VAV2: variants seen among roughly 807,000 people sequenced by gnomAD.
The protein encoded by VAV2 is vav guanine nucleotide exchange factor 2, also known as guanine nucleotide exchange factor VAV2.
Under a neutral mutation model 132.5 loss-of-function variants are expected in VAV2, and 67 were observed. That is an observed-to-expected ratio of 0.51 (90% CI 0.42 to 0.62). The LOEUF is 0.62. Ranked by LOEUF, VAV2 falls within the 20% of genes least tolerant of loss-of-function variation. VAV2 has a pLI of 0.00. For missense variants in VAV2, 938 were observed against 1,153.6 expected, an observed-to-expected ratio of 0.81 and a Z score of 2.71; for synonymous variants, 492 against 443.5, an observed-to-expected ratio of 1.11 and a Z score of -1.37.
chr9:133,914,716 G>GGA, intron 2 of VAV2, among the ~76,000 whole-genome samples: 1 of 58,632 alleles, frequency 1.7e-5, no homozygotes, highest in East Asian at 6.5e-4. Context: ...GGAGAGGGGA[G>GGA]GGATCACGGG....
intron 1 of VAV2, among the ~76,000 whole-genome samples, chr9:133,972,858 C>T (rs1177516512): frequency 1.3e-5 from 2 of 152,212 alleles, no homozygotes; most frequent in Non-Finnish European, 2.9e-5. Flanking sequence ...CACGTGCCCA[C>T]TGGACCCATC....
intron 2 of VAV2, among the ~76,000 whole-genome samples, chr9:133,874,618 T>C (rs111946299): frequency 6.6e-6 from 1 of 152,008 alleles, no homozygotes; most frequent in Non-Finnish European, 1.5e-5. Context: ...GAACAGCACC[T>C]CAAGGGCAGG....
Position 133,935,031 on chromosome 9 carries a change from G to A in VAV2, c.321+4072C>T, listed in dbSNP as rs1840854957. Among the ~76,000 whole-genome samples the A allele has an allele frequency of 7.9e-6, 1 of 127,382 alleles. No homozygotes were observed. The highest frequency in any genetic ancestry group is 1.7e-5 in the Non-Finnish European group (1 of 60,516). The allele number at this position is 127,382 out of a possible 152,430, so 83.6% of individuals were successfully genotyped here. A position where few individuals can be genotyped will look rare whatever the true frequency, so the allele number is the denominator to read the frequency against. The stretch of plus-strand genomic sequence containing the variant: ...ACACCCCCTCGGTTACCCCTGACCA[G>A]CCCCACCCACCCCAGACGACAGTCA... On this transcript the variant is annotated intron_variant, in intron 2 of 29. Coordinates refer to ENST00000371850, the MANE Select transcript of VAV2 (RefSeq NM_001134398.2). This position sits in a 1 kb window ranked among gnomAD's most constrained non-coding sequence, Gnocchi z 5.2.
chr9:133,849,574 C>T (rs1186137729), intron 3 of VAV2, among the ~76,000 whole-genome samples: 1 of 152,192 alleles, frequency 6.6e-6, no homozygotes, highest in African/African-American at 2.4e-5. Context: ...CAAGCACCAT[C>T]GAATGGGGGC....
At chr9:133,930,978 C>T (rs1052199651) in intron 2 of VAV2, among the ~76,000 whole-genome samples, 4 of 152,202 alleles carry the variant, frequency 2.6e-5, no homozygotes, top group Non-Finnish European at 2.9e-5. Flanking sequence ...TTGGAAGGTG[C>T]GCGCTGCTCT....
intron 2 of VAV2, among the ~76,000 whole-genome samples, chr9:133,886,477 C>G (rs1410006278): frequency 6.6e-6 from 1 of 152,200 alleles, no homozygotes; most frequent in Non-Finnish European, 1.5e-5. Context: ...CAGGGTCCAG[C>G]TCTAACCTCG....
Position 133,772,042 on chromosome 9 carries a change from T to C in VAV2, c.2140A>G (p.Asn714Asp). ...AERFAISIKF[N>D]DEVKHIKVVE... ...ACCTTGATGTGCTTCACCTCATCATTGAACCTGAGCAAACACACGGCCCCG... is the reference window on the plus strand; with the variant it reads ...ACCTTGATGTGCTTCACCTCATCATCGAACCTGAGCAAACACACGGCCCCG... Residue 714 changes from asparagine to aspartate, a missense_variant, in exon 26 of 30, where the codon AAT becomes GAT. Coordinates refer to ENST00000371850, the MANE Select transcript of VAV2 (RefSeq NM_001134398.2). 8.7e-7 allele frequency: 1 copy of C among 1,154,646 alleles called. No homozygotes were observed. The highest frequency in any genetic ancestry group is 1.2e-6 in the Non-Finnish European group (1 of 840,820). 71.5% of individuals were successfully genotyped at this position (1,154,646 alleles called of 1,614,324 possible).
At position 133,788,864 on chromosome 9, in the gene VAV2, C is replaced by A. The variant is rs982208239; in HGVS notation, c.1275-378G>T. ...ATCTGCTGTGACCCCTGCCCCAGCA[C>A]ACAGTAGGTGCACAAGGAGGGCCCT... On this transcript the variant is annotated intron_variant, in intron 14 of 29. Coordinates refer to ENST00000371850, the MANE Select transcript of VAV2 (RefSeq NM_001134398.2). The surrounding 1 kb of genome is among the most constrained non-coding windows in gnomAD (Gnocchi z 5.3). Among the ~76,000 whole-genome samples, 1 of 152,224 alleles carries A rather than the reference C, an allele frequency of 6.6e-6. No homozygotes were observed. The highest frequency in any genetic ancestry group is 6.5e-5 in the Admixed American group (1 of 15,286).
intron 2 of VAV2, among the ~76,000 whole-genome samples, chr9:133,922,384 T>A (rs1840328444): frequency 6.6e-6 from 1 of 152,198 alleles, no homozygotes; most frequent in South Asian, 2.1e-4. Flanking sequence ...GCAATTTAAA[T>A]GTAGGGGCAC....
At chr9:133,862,984 T>C (rs1378932701) in intron 2 of VAV2, among the ~76,000 whole-genome samples, 1 of 152,276 alleles carries the variant, frequency 6.6e-6, no homozygotes, top group Admixed American at 6.5e-5. Flanking sequence ...GCTGGGGTCA[T>C]GGAAGGACAG....
chr9:133,959,569 G>T (rs1273535675), intron 1 of VAV2, among the ~76,000 whole-genome samples: 1 of 152,222 alleles, frequency 6.6e-6, no homozygotes, highest in Non-Finnish European at 1.5e-5. Flanking sequence ...CTGGACGGAA[G>T]AAAGAGTAAG....
chr9:133,837,111 T>C (rs1252754140), intron 3 of VAV2, among the ~76,000 whole-genome samples: 1 of 152,216 alleles, frequency 6.6e-6, no homozygotes, highest in Non-Finnish European at 1.5e-5. Context: ...TCTCTGAGTG[T>C]CAGCCTTCTC....
At chr9:133,865,876 T>C (rs1054472810) in intron 2 of VAV2, among the ~76,000 whole-genome samples, 1 of 152,258 alleles carries the variant, frequency 6.6e-6, no homozygotes, top group African/African-American at 2.4e-5. Context: ...GAGACATAAC[T>C]ATGAGGGCTC....
chr9:133,954,916 T>TA (rs1454034017), intron 1 of VAV2, among the ~76,000 whole-genome samples: 5 of 151,924 alleles, frequency 3.3e-5, no homozygotes, highest in Admixed American at 1.3e-4. Flanking sequence ...TCCAAACAGG[T>TA]GGAGGGTAAG....
At chr9:133,886,797 AT>A (rs1226676502) in intron 2 of VAV2, among the ~76,000 whole-genome samples, 3 of 152,262 alleles carry the variant, frequency 2.0e-5, no homozygotes, top group Non-Finnish European at 4.4e-5. Flanking sequence ...GAGCAGGTGA[AT>A]TCTGCAAGCA....
intron 2 of VAV2, among the ~76,000 whole-genome samples, chr9:133,891,024 T>G (rs952910828): frequency 1.3e-5 from 2 of 151,076 alleles, no homozygotes; most frequent in Admixed American, 6.6e-5. Context: ...TGGTCTGAAG[T>G]GGGGAAGTTA....
chr9:133,776,521 C>T (rs185508745), intron 23 of VAV2, among the ~76,000 whole-genome samples: 2 of 152,284 alleles, frequency 1.3e-5, no homozygotes, highest in South Asian at 2.1e-4. Context: ...TACAGCCCCC[C>T]ACCCTGGCCT....
In VAV2 at chr9:133,975,583, C is replaced by CA. The variant is rs1320512365; in HGVS notation, c.204+16491dup. 8.5e-5 allele frequency among the ~76,000 whole-genome samples: 13 copies of CA among 152,090 alleles called. 1 individual carries two copies. The highest frequency in any genetic ancestry group is 6.5e-4 in the Admixed American group (10 of 15,270). On this transcript the variant is annotated intron_variant, in intron 1 of 29. Transcript: ENST00000371850. ...AACTGAGGCTCAGAAGTGATGTGGCCAAAATCACACAACTGAGAAATGACA... is the reference window on the plus strand; with the variant it reads ...AACTGAGGCTCAGAAGTGATGTGGCCAAAAATCACACAACTGAGAAATGACA...
At chr9:133,851,954 T>C (rs773313223) in intron 3 of VAV2, among the ~76,000 whole-genome samples, 19 of 151,102 alleles carry the variant, frequency 1.3e-4, no homozygotes, top group Admixed American at 3.3e-4. Flanking sequence ...GATGGATACA[T>C]GGATGTATGG....
Sources: allele counts gnomAD v4.1 joint callset (sites outside exome capture counted in the v4.1 genomes callset), GRCh38; gene constraint gnomAD v4.1.1; non-coding constraint Gnocchi (gnomAD v3.1); transcripts MANE v1.5; gene names NCBI Gene and HGNC (gene_info 2026-07-23, HGNC 2026-07-21).